Variants in AP2B1 observed in about 807,000 individuals in gnomAD.
The protein encoded by AP2B1 is AP-2 complex subunit beta.
AP2B1 carries 23 observed loss-of-function variants against 102.0 expected under a neutral mutation model. The ratio of observed to expected loss-of-function variants is 0.23; its 90% CI spans 0.16 to 0.32. AP2B1 has a LOEUF of 0.32. Ranked by LOEUF, AP2B1 falls within the 10% of genes least tolerant of loss-of-function variation. The probability of loss-of-function intolerance (pLI) is 1.00; values close to 1 mark genes in which losing one functional copy is unlikely to be tolerated. For missense variants in AP2B1, 541 were observed against 1,157.4 expected (o/e 0.47, Z 7.73); for synonymous variants, 381 against 421.2 (o/e 0.90, Z 1.17).
At chr17:35,686,506 G>C (rs1178724520) in intron 18 of AP2B1, among the ~76,000 whole-genome samples, 1 of 152,172 alleles carries the variant, frequency 6.6e-6, no homozygotes, top group Non-Finnish European at 1.5e-5. Context: ...TTCATCTCCA[G>C]GGTAATGCTC....
intron 14 of AP2B1, among the ~76,000 whole-genome samples, chr17:35,658,010 A>G (rs1402144327): frequency 6.6e-6 from 1 of 152,112 alleles, no homozygotes; most frequent in Non-Finnish European, 1.5e-5. Context: ...GGATTATTTC[A>G]TTGTCCTGCC....
intron 20 of AP2B1, among the ~76,000 whole-genome samples, chr17:35,716,758 T>C (rs983086963): frequency 3.9e-5 from 6 of 152,182 alleles, no homozygotes; most frequent in Non-Finnish European, 7.3e-5. Context: ...ATGGATGTGG[T>C]CATCAGTCTG....
At chr17:35,675,533 AAAAT>A (rs1240828517) in intron 17 of AP2B1, among the ~76,000 whole-genome samples, 2 of 152,170 alleles carry the variant, frequency 1.3e-5, no homozygotes, top group Non-Finnish European at 2.9e-5. Flanking sequence ...GGCTGTTGGG[AAAAT>A]AAATAAATAG....
In AP2B1 at chr17:35,634,515, T is replaced by A. The variant is rs1301399900; in HGVS notation, c.1156-1826T>A. ...TTCTGGTATCTCTCTCTTTTAAAAA[T>A]GATCACTTATAGTTTCTGTACATTT... On this transcript the variant is annotated intron_variant, in intron 9 of 21. Transcript: ENST00000610402. Among the ~76,000 whole-genome samples, 3 of 152,222 alleles carry A rather than the reference T, an allele frequency of 2.0e-5. No homozygotes were observed. In the East Asian group the frequency reaches 5.8e-4, roughly 29 times the overall value.
chr17:35,682,260 C>CA (rs11287908), intron 17 of AP2B1, among the ~76,000 whole-genome samples: 17 of 134,768 alleles, frequency 1.3e-4, no homozygotes, highest in South Asian at 2.3e-4. Context: ...ACCCTATCTC[C>CA]AAAAAAAAAA....
intron 12 of AP2B1, among the ~76,000 whole-genome samples, chr17:35,645,590 C>T (rs560546390): frequency 6.6e-6 from 1 of 152,318 alleles, no homozygotes; most frequent in South Asian, 2.1e-4. Context: ...TGGCTTATGC[C>T]TGTAATCCCA....
chr17:35,685,822 G>T (rs1287689637), intron 18 of AP2B1, among the ~76,000 whole-genome samples: 3 of 151,978 alleles, frequency 2.0e-5, no homozygotes, highest in Admixed American at 2.0e-4. Flanking sequence ...GAGTGCAATG[G>T]TGCAATCTTG....
At chr17:35,698,879 A>G (rs1240705829) in intron 18 of AP2B1, among the ~76,000 whole-genome samples, 3 of 152,136 alleles carry the variant, frequency 2.0e-5, no homozygotes, top group South Asian at 2.1e-4. Context: ...ATTCTAATTT[A>G]CTCCTGCCCA....
intron 2 of AP2B1, chr17:35,596,947 G>A: frequency 1.4e-6 from 1 of 691,404 alleles, no homozygotes; most frequent in Non-Finnish European, 2.7e-6. Flanking sequence ...GGCCATTGTG[G>A]AACCAGGAGA....
chr17:35,691,347 T>A (rs146481426), intron 18 of AP2B1, among the ~76,000 whole-genome samples: 87 of 152,326 alleles, frequency 5.7e-4, no homozygotes, highest in African/African-American at 2.0e-3. Flanking sequence ...GTCCCTGATA[T>A]TTCATGTCTT....
At chr17:35,605,507 C>G (rs1003646445) in intron 3 of AP2B1, among the ~76,000 whole-genome samples, 198 bp from the exon 4 acceptor site, 1 of 152,246 alleles carries the variant, frequency 6.6e-6, no homozygotes, top group Non-Finnish European at 1.5e-5. Flanking sequence ...GCCTTGGCCT[C>G]CCAGAGTGCT....
At position 35,671,906 on chromosome 17, in the gene AP2B1, T is replaced by A. The variant is rs2075596619; in HGVS notation, c.2178+6T>A. 1 of 1,613,610 alleles carries A rather than the reference T, an allele frequency of 6.2e-7. No individual in the cohort carries two copies. The highest frequency in any genetic ancestry group is 1.3e-5 in the African/African-American group (1 of 74,922). On this transcript the variant is annotated splice_donor_region_variant and intron_variant, in intron 16 of 21. Coordinates refer to ENST00000610402, the MANE Select transcript of AP2B1 (RefSeq NM_001030006.2). Reference sequence around the variant, plus strand: ...GATATGTGGCTCCTAAGGCTGTAAGTAAAGAGTTAACATAGCAATACTTTC... The same window carrying A: ...GATATGTGGCTCCTAAGGCTGTAAGAAAAGAGTTAACATAGCAATACTTTC...
At chr17:35,609,783 A>G (rs1343609957) in intron 5 of AP2B1, among the ~76,000 whole-genome samples, 1 of 152,148 alleles carries the variant, frequency 6.6e-6, no homozygotes, top group Non-Finnish European at 1.5e-5. Context: ...TGAACTTTAA[A>G]TGGAGAATTA....
chr17:35,679,549 C>A (rs35419374), intron 17 of AP2B1, among the ~76,000 whole-genome samples: 1,566 of 151,448 alleles, frequency 0.01, 25 homozygotes, highest in African/African-American at 0.036. Flanking sequence ...CCTACTGTAT[C>A]ACCAGAGCAT....
intron 3 of AP2B1, among the ~76,000 whole-genome samples, chr17:35,601,574 T>C (rs1297335262): frequency 6.6e-6 from 1 of 152,058 alleles, no homozygotes; most frequent in Non-Finnish European, 1.5e-5. Flanking sequence ...CGGCCAAGAT[T>C]CATATAGATG....
At chr17:35,587,923 A>G (rs922086055) in intron 1 of AP2B1, 1 of 152,092 alleles carries the variant, frequency 6.6e-6, no homozygotes, top group Non-Finnish European at 1.5e-5. Context: ...CTGCTCCGTA[A>G]TGGAGGAGCA....
intron 5 of AP2B1, among the ~76,000 whole-genome samples, chr17:35,620,733 C>T (rs1014238030): frequency 6.6e-6 from 1 of 152,142 alleles, no homozygotes; most frequent in Non-Finnish European, 1.5e-5. Flanking sequence ...GGAAGGATCA[C>T]TTGAGTCCAG....
chr17:35,643,479 A>G (rs1004948578), intron 12 of AP2B1, among the ~76,000 whole-genome samples: 2 of 152,208 alleles, frequency 1.3e-5, no homozygotes, highest in Non-Finnish European at 2.9e-5. Flanking sequence ...CAGGCACCAT[A>G]GGAGAGCTGT....
chr17:35,632,504 G>A (rs972222150), intron 9 of AP2B1, among the ~76,000 whole-genome samples: 4 of 151,996 alleles, frequency 2.6e-5, no homozygotes, highest in African/African-American at 7.3e-5. Context: ...TGAGTAGAGT[G>A]GATCAAATAC....
Sources: allele counts gnomAD v4.1 joint callset (sites outside exome capture counted in the v4.1 genomes callset), GRCh38; gene constraint gnomAD v4.1.1; transcripts MANE v1.5; gene names NCBI Gene and HGNC (gene_info 2026-07-23, HGNC 2026-07-21).